The following AGK variants were observed in gnomAD, a reference collection of about 807,000 sequenced individuals.
AGK encodes the protein acylglycerol kinase.
In AGK, 52 loss-of-function variants were observed where a neutral mutation model predicts 66.4. That is an observed-to-expected ratio of 0.78 (90% confidence interval 0.63 to 0.99). The LOEUF (loss-of-function observed/expected upper bound fraction) is 0.99. Among genes scored for constraint, AGK ranks in the 50% least tolerant of loss-of-function variants. The pLI is 0.00. For synonymous variants in AGK, 182 were observed against 181.1 expected (o/e 1.00, Z -0.04); for missense variants, 451 against 506.6 (o/e 0.89, Z 1.05).
chr7:141,639,661 G>C (rs1188892764), intron 11 of AGK, among the ~76,000 whole-genome samples: 1 of 152,158 alleles, frequency 6.6e-6, no homozygotes, highest in Non-Finnish European at 1.5e-5. Flanking sequence ...CTGTCAGAAA[G>C]GTGGTGAGTA....
intron 12 of AGK, 99 bp from the exon 13 acceptor site, chr7:141,641,712 G>T: frequency 1.0e-6 from 1 of 974,890 alleles, no homozygotes; most frequent in Middle Eastern, 3.1e-4. Context: ...TCAGCAGAAA[G>T]GTTGAGAAGC....
intron 13 of AGK, among the ~76,000 whole-genome samples, chr7:141,645,261 T>TG (rs1797385776): frequency 1.3e-5 from 2 of 152,124 alleles, no homozygotes; most frequent in Admixed American, 1.3e-4. Context: ...GAATATCCTG[T>TG]CTTTTGCTGG....
At position 141,628,070 on chromosome 7, in the gene AGK, C is replaced by T. The variant is rs182064852; in HGVS notation, c.589-5831C>T. On this transcript the variant is annotated intron_variant, in intron 9 of 15. Transcript: ENST00000649286. ...CTAATTTTTGTATTTTTAGTAGAGACGGAGTTTCACCATATTGGTCAGGCT... is the reference window on the plus strand; with the variant it reads ...CTAATTTTTGTATTTTTAGTAGAGATGGAGTTTCACCATATTGGTCAGGCT... 2.2e-3 allele frequency among the ~76,000 whole-genome samples: 331 copies of T among 152,262 alleles called. 3 individuals are homozygous for T. Among genetic ancestry groups the T allele is most frequent in the African/African-American group, 7.2e-3 (300 of 41,558 alleles).
At chr7:141,626,216 G>A (rs1034237045) in intron 9 of AGK, among the ~76,000 whole-genome samples, 2 of 152,128 alleles carry the variant, frequency 1.3e-5, no homozygotes, top group Non-Finnish European at 2.9e-5. Flanking sequence ...GCCAATTTGG[G>A]ACTCTTTGAA....
At chr7:141,618,725 C>T (rs747065268) in intron 8 of AGK, among the ~76,000 whole-genome samples, 86 of 152,220 alleles carry the variant, frequency 5.6e-4, no homozygotes, top group African/African-American at 1.7e-3. Context: ...ATGAAATTCA[C>T]AGTATCAACC....
Position 141,609,971 on chromosome 7 carries a change from G to GT in AGK, c.298-1212dup, listed in dbSNP as rs532318470. 4.7e-3 allele frequency among the ~76,000 whole-genome samples: 676 copies of GT among 143,644 alleles called. 3 individuals are homozygous for GT. Among genetic ancestry groups the GT allele is most frequent in the East Asian group, 0.035 (172 of 4,962 alleles). The allele number at this position is 143,644 out of a possible 152,430, so 94.2% of individuals were successfully genotyped here. On this transcript the variant is annotated intron_variant, in intron 5 of 15. Transcript: ENST00000649286. ...TGTACGTATGTATGGGTTTTTTTTTGTTTTTTTTTTTTCCTGAGACAGAGT... is the reference window on the plus strand; with the variant it reads ...TGTACGTATGTATGGGTTTTTTTTTGTTTTTTTTTTTTTCCTGAGACAGAGT...
At chr7:141,603,071 A>T (rs1215484492) in intron 5 of AGK, among the ~76,000 whole-genome samples, 3 of 152,148 alleles carry the variant, frequency 2.0e-5, no homozygotes, top group Non-Finnish European at 4.4e-5. Flanking sequence ...TGTTTTCATA[A>T]ATGTTGTATC....
At chr7:141,562,321 C>A (rs1795367582) in intron 2 of AGK, among the ~76,000 whole-genome samples, 1 of 152,206 alleles carries the variant, frequency 6.6e-6, no homozygotes, top group African/African-American at 2.4e-5. Context: ...TGCAAGAGAA[C>A]ACCAGCTGCG....
At position 141,610,762 on chromosome 7, in the gene AGK, T is replaced by C. The variant is rs1319243623; in HGVS notation, c.298-433T>C. On this transcript the variant is annotated intron_variant, in intron 5 of 15. Transcript: ENST00000649286. ...TCCATAGAATTTAAGGTCACTCAGC[T>C]AAAAAGTAGCAGAGTTGAGATTTAA... Among the ~76,000 whole-genome samples, 6 of 152,154 alleles carry C rather than the reference T, an allele frequency of 3.9e-5. No homozygotes were observed. The South Asian group carries it at 6.2e-4, about 16-fold the overall frequency.
rs1796158935 is a variant in AGK, at chr7:141,593,174, CAAG to C, written c.134_136del (p.Glu45del). ...TAACCTCCTAAGGAGAGCAGCCTGT[CAAG>C]AAGCTCAGGTAATACTACTTAATGT... is the stretch of plus-strand genomic sequence containing the variant. On this transcript the variant is annotated inframe_deletion, in exon 3 of 16. Transcript: ENST00000649286. 1.2e-6 allele frequency: 2 copies of C among 1,612,200 alleles called. No individual in the cohort carries two copies. The highest frequency in any genetic ancestry group is 1.3e-5 in the African/African-American group (1 of 75,008).
In AGK at chr7:141,638,304, T is replaced by C. The variant is rs140458290; in HGVS notation, c.726+1287T>C. ...AGGAGACACACTAAATTTTGAAACA[T>C]TTAAAGGCTGTGTGAAGTCACAGTG... is the stretch of plus-strand genomic sequence containing the variant. On this transcript the variant is annotated intron_variant, in intron 11 of 15. Transcript: ENST00000649286. 2.6e-5 allele frequency among the ~76,000 whole-genome samples: 4 copies of C among 152,234 alleles called. No individual in the cohort carries two copies. In the East Asian group the frequency reaches 7.7e-4, roughly 29 times the overall value.
At chr7:141,650,095 C>T (rs1334292007) in intron 14 of AGK, among the ~76,000 whole-genome samples, 1 of 152,242 alleles carries the variant, frequency 6.6e-6, no homozygotes, top group Non-Finnish European at 1.5e-5. Flanking sequence ...AGAGCTCCCT[C>T]TCGTGCCCAT....
intron 2 of AGK, among the ~76,000 whole-genome samples, chr7:141,575,177 C>T (rs375378722): frequency 2.0e-5 from 3 of 152,152 alleles, no homozygotes; most frequent in Non-Finnish European, 4.4e-5. Flanking sequence ...TTCTTGATTG[C>T]GTTTTTGTCA....
At chr7:141,562,344 G>A (rs1795368397) in intron 2 of AGK, among the ~76,000 whole-genome samples, 1 of 152,170 alleles carries the variant, frequency 6.6e-6, no homozygotes. Flanking sequence ...AGTAATAGTG[G>A]GATTTGAACT....
At chr7:141,596,031 T>C (rs1305456540) in intron 3 of AGK, among the ~76,000 whole-genome samples, 2 of 152,234 alleles carry the variant, frequency 1.3e-5, no homozygotes, top group Non-Finnish European at 2.9e-5. Context: ...ATATTAGTTA[T>C]GTTTCTTTTC....
At chr7:141,565,121 C>T (rs557012906) in intron 2 of AGK, among the ~76,000 whole-genome samples, 19 of 152,094 alleles carry the variant, frequency 1.2e-4, no homozygotes, top group Non-Finnish European at 2.5e-4. Context: ...ATATTCTCTT[C>T]CTGCATGATC....
intron 2 of AGK, chr7:141,561,981 G>A (rs1795360588): frequency 2.2e-6 from 1 of 452,192 alleles, no homozygotes; most frequent in Non-Finnish European, 4.4e-6. Flanking sequence ...GCTGGTGCTG[G>A]GGAATGTCTG....
At position 141,601,100 on chromosome 7, in the gene AGK, A is replaced by G. The variant is rs1014415652; in HGVS notation, c.222-105A>G. 3 of 754,664 alleles carry G rather than the reference A, an allele frequency of 4.0e-6. No homozygotes were observed. The African/African-American group carries it at 5.4e-5, about 14-fold the overall frequency. The allele number at this position is 754,664 out of a possible 1,614,324, so 46.7% of individuals were successfully genotyped here. A position where few individuals can be genotyped will look rare whatever the true frequency, so the allele number is the denominator to read the frequency against. ...GCTTGAACAAATAAAGGAAACCCGT[A>G]TTGCATAGTCTTTCTTATTCTGCCC... On this transcript the variant is annotated intron_variant, in intron 4 of 15. Transcript: ENST00000649286.
intron 2 of AGK, among the ~76,000 whole-genome samples, chr7:141,586,165 T>C (rs998062617): frequency 2.6e-5 from 4 of 152,200 alleles, no homozygotes; most frequent in Admixed American, 6.5e-5. Context: ...ACTCCCCGCT[T>C]AGCCTCTTTA....
Sources: gnomAD v4.1 joint callset for allele counts (sites outside exome capture counted in the v4.1 genomes callset) on GRCh38, gnomAD v4.1.1 for gene constraint, MANE v1.5 for transcripts, NCBI Gene and HGNC (gene_info 2026-07-23, HGNC 2026-07-21) for gene names.